Variants in MVD observed in about 807,000 individuals in gnomAD.
MVD encodes the protein mevalonate diphosphate decarboxylase.
MVD carries 52 observed loss-of-function variants against 42.4 expected under a neutral mutation model. The observed-to-expected ratio is 1.23, with a 90% CI of 0.98 to 1.55. The LOEUF (loss-of-function observed/expected upper bound fraction) is 1.55. MVD is among the 40% of genes most tolerant of loss of function. The pLI, the probability that MVD is intolerant of heterozygous loss-of-function variation, is 0.00. For missense variants in MVD, 663 were observed against 572.1 expected (o/e 1.16, Z -1.62); for synonymous variants, 287 against 243.2 (o/e 1.18, Z -1.68).
chr16:88,662,450 G>A (rs1908363847), intron 1 of MVD, among the ~76,000 whole-genome samples: 3 of 152,350 alleles, frequency 2.0e-5, no homozygotes, highest in African/African-American at 7.2e-5. Context: ...CCGGCGCGAG[G>A]GGAGGGGCGG....
At chr16:88,655,460 C>T (rs751033873) in intron 6 of MVD, 43 bp from the exon 7 acceptor site, 10 of 1,538,166 alleles carry the variant, frequency 6.5e-6, no homozygotes, top group Middle Eastern at 2.2e-4. Flanking sequence ...CTGGGGGTCT[C>T]GACAGCAGAG....
At chr16:88,660,219 T>C (rs1908204134) in intron 1 of MVD, among the ~76,000 whole-genome samples, 1 of 152,164 alleles carries the variant, frequency 6.6e-6, no homozygotes, top group South Asian at 2.1e-4. Flanking sequence ...GAGGGGAACC[T>C]GGACTTCTGC....
intron 4 of MVD, chr16:88,657,009 A>G (rs1407313034): frequency 2.8e-6 from 1 of 356,694 alleles, no homozygotes; most frequent in Non-Finnish European, 5.5e-6. Flanking sequence ...ATCCTCAGTT[A>G]CGTGAGCCAC....
At position 88,658,797 on chromosome 16, in the gene MVD, C is replaced by T; in HGVS notation, c.71-77G>A. On this transcript the variant is annotated intron_variant, in intron 1 of 9. Coordinates refer to ENST00000301012, the MANE Select transcript of MVD (RefSeq NM_002461.3). ...CCAGTGTTCCCCACAGGTGCCCCCACCCCCCACCCACGGCCCCCATCCGCC... is the reference window on the plus strand; with the variant it reads ...CCAGTGTTCCCCACAGGTGCCCCCATCCCCCACCCACGGCCCCCATCCGCC... 11 of 1,035,092 alleles carry T rather than the reference C, an allele frequency of 1.1e-5. No homozygotes were observed. In the South Asian group the frequency reaches 1.4e-4, roughly 13 times the overall value. The allele number at this position is 1,035,092 out of a possible 1,614,324, so 64.1% of individuals were successfully genotyped here. A position where few individuals can be genotyped will look rare whatever the true frequency, so the allele number is the denominator to read the frequency against.
At position 88,652,070 on chromosome 16, in the gene MVD, C is replaced by T. The variant is rs1156466015; in HGVS notation, c.*455G>A. The T allele has an allele frequency of 4.5e-6, 1 of 220,468 alleles. No homozygotes were observed. The highest frequency in any genetic ancestry group is 9.4e-6 in the Non-Finnish European group (1 of 106,926). The allele number at this position is 220,468 out of a possible 1,614,324, so 13.7% of individuals were successfully genotyped here. ...ACCTGGGCCGGGGGCAGGGTCTCAG[C>T]AGAAGCGCCGTGGGCAGCCACCATC... On this transcript the variant is annotated 3_prime_UTR_variant, in exon 10 of 10. Coordinates refer to ENST00000301012, the MANE Select transcript of MVD (RefSeq NM_002461.3).
intron 6 of MVD, 82 bp from the exon 7 acceptor site, chr16:88,655,499 G>A: frequency 6.6e-7 from 1 of 1,515,404 alleles, no homozygotes; most frequent in Non-Finnish European, 8.9e-7. Context: ...GGGGTTGGAG[G>A]CCCGGCTCGA....
intron 4 of MVD, 67 bp from the exon 5 acceptor site, chr16:88,656,371 G>A (rs539748493): frequency 1.3e-4 from 204 of 1,542,886 alleles, no homozygotes; most frequent in Admixed American, 5.1e-5. Flanking sequence ...ACAGCTCACC[G>A]CCCCAGGAAC....
intron 1 of MVD, chr16:88,662,169 T>G (rs997987867): frequency 1.3e-5 from 2 of 152,074 alleles, no homozygotes; most frequent in Non-Finnish European, 2.9e-5. Context: ...TGGCGGCTTC[T>G]GGAAAGAAAA....
rs200544458 is a variant in MVD at position 88,652,504 on chromosome 16, A to G, written c.*21T>C. 3,131 of 1,557,442 alleles carry G rather than the reference A, an allele frequency of 2.0e-3. 51 individuals are homozygous for G. The highest frequency in any genetic ancestry group is 2.4e-3 in the South Asian group (202 of 84,604). On this transcript the variant is annotated 3_prime_UTR_variant, in exon 10 of 10. Transcript: ENST00000301012. ...CGAGGCCACCCCTTCTCCAAGCGGC[A>G]TGCGGTCCCTGCTGAGGCAGTCAGG... is the stretch of plus-strand genomic sequence containing the variant.
chr16:88,662,005 G>A (rs1908332748), intron 1 of MVD: 1 of 149,974 alleles, frequency 6.7e-6, no homozygotes, highest in South Asian at 2.1e-4. Context: ...GAGACAGAGA[G>A]GCATATATAT....
chr16:88,657,788 CG>C (rs1555543463), intron 3 of MVD, 126 bp downstream of exon 3: 3 of 1,254,228 alleles, frequency 2.4e-6, no homozygotes, highest in Non-Finnish European at 1.1e-6. Context: ...GGCGGCCCAG[CG>C]GGCATGTCTG....
intron 1 of MVD, among the ~76,000 whole-genome samples, chr16:88,662,357 TG>T (rs1908358800): frequency 6.6e-6 from 1 of 152,180 alleles, no homozygotes; most frequent in Non-Finnish European, 1.5e-5. Context: ...AGATACTGGG[TG>T]GGCCACATAA....
At chr16:88,659,191 G>A (rs1908132800) in intron 1 of MVD, 1 of 188,482 alleles carries the variant, frequency 5.3e-6, no homozygotes, top group African/African-American at 2.3e-5. Context: ...GGAAACGTTT[G>A]CCCTGGGAGC....
chr16:88,655,850 A>C, intron 5 of MVD, 120 bp from the exon 6 acceptor site: 6 of 1,248,256 alleles, frequency 4.8e-6, no homozygotes, highest in Non-Finnish European at 6.7e-6. Context: ...AGTCAGTGCC[A>C]CCTGCCTGAC....
chr16:88,658,604 G>C (rs1036637149), intron 2 of MVD, 46 bp downstream of exon 2: 2 of 1,580,832 alleles, frequency 1.3e-6, no homozygotes, highest in Non-Finnish European at 8.7e-7. Context: ...TTCTACAAAT[G>C]TTCTGGAAAT....
At chr16:88,661,903 T>C (rs1908319231) in intron 1 of MVD, among the ~76,000 whole-genome samples, 2 of 146,292 alleles carry the variant, frequency 1.4e-5, no homozygotes, top group African/African-American at 2.6e-5. Flanking sequence ...TACATCTATA[T>C]AGGTGTATAC....
At position 88,656,183 on chromosome 16, in the gene MVD, C is replaced by T; in HGVS notation, c.525G>A (p.Gln175=). 1 of 1,601,936 alleles carries T rather than the reference C, an allele frequency of 6.2e-7. No homozygotes were observed. Among genetic ancestry groups the T allele is most frequent in the Non-Finnish European group, 8.5e-7 (1 of 1,179,932 alleles). Residue 175 remains glutamine (Q), a synonymous_variant, in exon 5 of 10, where the codon CAG becomes CAA. Coordinates refer to ENST00000301012, the MANE Select transcript of MVD (RefSeq NM_002461.3). The part of the protein sequence containing the change: ...GGFVEWQMGE[Q]ADGKDSIARQ... ...GAGCGATGCTGTCCTTCCCGTCGGC[C>T]TGCTCTCCCATCTGCCACTCCACAA...
In MVD at chr16:88,655,203, G is replaced by C. The variant is rs1271662273; in HGVS notation, c.893C>G (p.Thr298Ser). Reference protein sequence around the residue: ...VHRFNAHHGDTKVAYTFDAGP... With the variant: ...VHRFNAHHGDSKVAYTFDAGP... ...TGCCCTCCCGGCCCGCGTCACCTTG[G>C]TGTCCCCGTGGTGGGCGTTGAAGCG... is the stretch of plus-strand genomic sequence containing the variant. The change falls in exon 7 of 10, where the codon ACC becomes AGC. Residue 298 changes from threonine to serine, a missense_variant. Transcript: ENST00000301012. 3 of 1,559,818 alleles carry C rather than the reference G, an allele frequency of 1.9e-6. No individual in the cohort carries two copies. Among genetic ancestry groups the C allele is most frequent in the Middle Eastern group, 3.4e-4 (2 of 5,970 alleles).
At chr16:88,656,511 T>C (rs1216981017) in intron 4 of MVD, 13 of 611,932 alleles carry the variant, frequency 2.1e-5, no homozygotes, top group Admixed American at 8.6e-5. Flanking sequence ...GGACACTCTC[T>C]GTTCACGGCC....
Sources: allele counts gnomAD v4.1 joint callset (sites outside exome capture counted in the v4.1 genomes callset), GRCh38; gene constraint gnomAD v4.1.1; transcripts MANE v1.5; gene names NCBI Gene and HGNC (gene_info 2026-07-23, HGNC 2026-07-21).